Variants in CFTR observed in about 807,000 individuals in gnomAD.
CFTR encodes the protein CF transmembrane conductance regulator.
In CFTR, 181 loss-of-function variants were observed where a neutral mutation model predicts 171.6. The observed-to-expected ratio is 1.05, with a 90% confidence interval of 0.93 to 1.19. The LOEUF is 1.19. CFTR is among the 50% of genes most tolerant of loss of function. The pLI, the probability that CFTR is intolerant of heterozygous loss-of-function variation, is 0.00. For synonymous variants in CFTR, 583 were observed against 608.0 expected, an observed-to-expected ratio of 0.96 and a Z score of 0.60; for missense variants, 1,968 against 1,734.7, an observed-to-expected ratio of 1.13 and a Z score of -2.39.
rs1562917501 is a variant in CFTR, at chr7:117,620,254, G to GGC, written c.3468+5542_3468+5543dup. Among the ~76,000 whole-genome samples the GGC allele has an allele frequency of 4.6e-5, 7 of 152,088 alleles. No individual in the cohort carries two copies. In the South Asian group the frequency reaches 1.0e-3, roughly 23 times the overall value. Reference sequence around the variant, plus strand: ...TGGTAAGAGCCCTGCATTCTACTCTGGCCTTGCCATGTGTGGCCTTGGGCA... The same window carrying GGC: ...TGGTAAGAGCCCTGCATTCTACTCTGGCGCCTTGCCATGTGTGGCCTTGGGCA... On this transcript the variant is annotated intron_variant, in intron 21 of 26. Transcript: ENST00000003084.
intron 23 of CFTR, among the ~76,000 whole-genome samples, chr7:117,649,517 ATAT>A (rs1562925260): frequency 5.0e-5 from 3 of 60,532 alleles, no homozygotes; most frequent in South Asian, 5.4e-4. Flanking sequence ...ATATATATAT[ATAT>A]TTTTTTTTTC....
chr7:117,486,896 G>GGA (rs138257490), intron 1 of CFTR, among the ~76,000 whole-genome samples: 1,141 of 113,508 alleles, frequency 0.01, 27 homozygotes, highest in African/African-American at 0.03. Context: ...GAGGGGGCGG[G>GGA]GAGAGAGAGA....
chr7:117,648,004 G>A (rs1793020560), intron 23 of CFTR, among the ~76,000 whole-genome samples: 1 of 138,024 alleles, frequency 7.2e-6, no homozygotes, highest in Non-Finnish European at 1.5e-5. Context: ...TATACACGGA[G>A]TGTGTGTGTG....
At chr7:117,550,142 C>T (rs1202440254) in intron 10 of CFTR, among the ~76,000 whole-genome samples, 3 of 151,968 alleles carry the variant, frequency 2.0e-5, no homozygotes, top group East Asian at 1.9e-4. Flanking sequence ...TTGAGACCAG[C>T]GTGGGCAACA....
intron 3 of CFTR, 122 bp downstream of exon 3, chr7:117,509,264 A>T: frequency 1.4e-6 from 1 of 698,004 alleles, no homozygotes; most frequent in Non-Finnish European, 2.5e-6. Flanking sequence ...CCAACTCCAA[A>T]CACTAAGAAA....
chr7:117,610,952 TATATC>T (rs1327195951), intron 19 of CFTR, among the ~76,000 whole-genome samples: 22 of 152,258 alleles, frequency 1.4e-4, no homozygotes, highest in African/African-American at 5.3e-4. Context: ...ATAATAAACT[TATATC>T]AGTCAAATTA....
At chr7:117,561,567 A>G (rs564089933) in intron 11 of CFTR, among the ~76,000 whole-genome samples, 4 of 152,284 alleles carry the variant, frequency 2.6e-5, no homozygotes, top group African/African-American at 9.6e-5. Context: ...ATGAAATAAT[A>G]TAATAGGGTT....
At position 117,534,301 on chromosome 7, in the gene CFTR, T is replaced by C; in HGVS notation, c.515T>C (p.Leu172Pro). 1 of 1,600,648 alleles carries C rather than the reference T, an allele frequency of 6.2e-7. No homozygotes were observed. Among genetic ancestry groups the C allele is most frequent in the Non-Finnish European group, 8.6e-7 (1 of 1,168,244 alleles). Residue 172 changes from leucine to proline, a missense_variant, in exon 5 of 27, where the codon CTA becomes CCA. By Grantham distance (98) the Leu-to-Pro change is moderately conservative (BLOSUM62 -3). Coordinates refer to ENST00000003084, the MANE Select transcript of CFTR (RefSeq NM_000492.4). ...KKTLKLSSRV[L>P]DKISIGQLVS... ...ACTTTAAAGCTGTCAAGCCGTGTTC[T>C]AGATAAAATAAGTATTGGACAACTT...
In CFTR at chr7:117,535,282, C is replaced by T. The variant is rs397508769; in HGVS notation, c.614C>T (p.Pro205Leu). ...LALAHFVWIA[P>L]LQVALLMGLI... ...TTGGCACATTTCGTGTGGATCGCTC[C>T]TTTGCAAGTGGCACTCCTCATGGGG... is the stretch of plus-strand genomic sequence containing the variant. Residue 205 changes from proline (P) to leucine (L), a missense_variant, in exon 6 of 27, where the codon CCT becomes CTT. Transcript: ENST00000003084. 3 of 1,613,342 alleles carry T rather than the reference C, an allele frequency of 1.9e-6. No homozygotes were observed. The highest frequency in any genetic ancestry group is 1.7e-6 in the Non-Finnish European group (2 of 1,179,822).
In CFTR at chr7:117,546,413, G is replaced by A. The variant is rs565429962; in HGVS notation, c.1210-2228G>A. On this transcript the variant is annotated intron_variant, in intron 9 of 26. Transcript: ENST00000003084. ...GACACCCCAAGTGCAGGGATTACAG[G>A]CATGAGTCATTGCAGCTGACCTGTA... is the stretch of plus-strand genomic sequence containing the variant. 6.6e-5 allele frequency among the ~76,000 whole-genome samples: 10 copies of A among 152,162 alleles called. No homozygotes were observed. The South Asian group carries it at 2.1e-3, about 32-fold the overall frequency.
rs546806654 is a variant in CFTR, at chr7:117,577,384, A to C, written c.1585-10355A>C. ...TTTTAAGCAGAAGCGTGACATGATC[A>C]GCTTGAATGATGAACAACTTGAATT... On this transcript the variant is annotated intron_variant, in intron 11 of 26. Coordinates refer to ENST00000003084, the MANE Select transcript of CFTR (RefSeq NM_000492.4). 4.6e-5 allele frequency among the ~76,000 whole-genome samples: 7 copies of C among 152,270 alleles called. No homozygotes were observed. The East Asian group carries it at 1.2e-3, about 25-fold the overall frequency.
At chr7:117,561,967 C>A (rs999232761) in intron 11 of CFTR, among the ~76,000 whole-genome samples, 5 of 152,052 alleles carry the variant, frequency 3.3e-5, no homozygotes, top group Non-Finnish European at 7.4e-5. Context: ...TGATTAAGAG[C>A]TGCCAATAAA....
intron 1 of CFTR, among the ~76,000 whole-genome samples, chr7:117,502,158 A>G (rs1798343004): frequency 6.6e-6 from 1 of 152,230 alleles, no homozygotes; most frequent in Admixed American, 6.5e-5. Flanking sequence ...TCCTGCTTTC[A>G]GGCTCCTCTC....
intron 3 of CFTR, among the ~76,000 whole-genome samples, chr7:117,516,277 TA>T (rs1798595103): frequency 6.6e-6 from 1 of 152,168 alleles, no homozygotes; most frequent in South Asian, 2.1e-4. Flanking sequence ...TATGCACTGA[TA>T]ACATAACTTA....
chr7:117,562,848 TTGGACAGAGGAAATTGTA>T (rs1202853508), intron 11 of CFTR, among the ~76,000 whole-genome samples: 4 of 152,234 alleles, frequency 2.6e-5, no homozygotes, highest in Non-Finnish European at 5.9e-5. Flanking sequence ...AAAATGTATT[TTGGACAGAGGAAATTGTA>T]TGAACAGAAA....
In CFTR at chr7:117,592,273, C is replaced by G. The variant is rs1800102; in HGVS notation, c.2106C>G (p.Leu702=). Residue 702 remains leucine, a synonymous_variant, in exon 14 of 27, where the codon CTC becomes CTG. Transcript: ENST00000003084. ...GGGAAAAAAGGAAGAATTCTATTCT[C>G]AATCCAATCAACTCTATACGAAAAT... ...EFGEKRKNSI[L]NPINSIRKFS... 4.3e-6 allele frequency: 7 copies of G among 1,613,952 alleles called. No individual in the cohort carries two copies. The highest frequency in any genetic ancestry group is 2.2e-5 in the East Asian group (1 of 44,886).
chr7:117,633,674 T>C (rs1352292116), intron 22 of CFTR, among the ~76,000 whole-genome samples: 1 of 151,920 alleles, frequency 6.6e-6, no homozygotes, highest in East Asian at 1.9e-4. Flanking sequence ...GAAGTCTCCT[T>C]CTATTTTTAG....
intron 3 of CFTR, among the ~76,000 whole-genome samples, chr7:117,514,806 C>T (rs1400056497): frequency 6.6e-6 from 1 of 152,150 alleles, no homozygotes; most frequent in African/African-American, 2.4e-5. Flanking sequence ...TTCTCCACAG[C>T]CTCACCAGCA....
At chr7:117,491,479 C>T (rs1319799721) in intron 1 of CFTR, among the ~76,000 whole-genome samples, 1 of 152,032 alleles carries the variant, frequency 6.6e-6, no homozygotes, top group African/African-American at 2.4e-5. Context: ...GTTTTGAAGA[C>T]TAGAAGTACA....
Sources: allele counts gnomAD v4.1 joint callset (sites outside exome capture counted in the v4.1 genomes callset), GRCh38; gene constraint gnomAD v4.1.1; transcripts MANE v1.5; gene names NCBI Gene and HGNC (gene_info 2026-07-23, HGNC 2026-07-21).